The following CTNNA2 variants were observed in gnomAD, a reference collection of about 807,000 sequenced individuals.
CTNNA2 encodes the protein catenin alpha 2.
A neutral mutation model predicts 101.0 loss-of-function variants in CTNNA2; 42 were observed. The observed-to-expected ratio is 0.42, with a 90% CI of 0.32 to 0.54. The LOEUF (loss-of-function observed/expected upper bound fraction) is 0.54, where lower values mean the gene tolerates loss of function less well. Among genes scored for constraint, CTNNA2 ranks in the 20% least tolerant of loss-of-function variants. CTNNA2 has a pLI of 0.14. For synonymous variants in CTNNA2, 450 were observed against 456.4 expected, an observed-to-expected ratio of 0.99 and a Z score of 0.18; for missense variants, 871 against 1,223.1, an observed-to-expected ratio of 0.71 and a Z score of 4.29.
intron 7 of CTNNA2, among the ~76,000 whole-genome samples, chr2:80,075,284 T>C (rs1218615188): frequency 6.6e-6 from 1 of 152,060 alleles, no homozygotes; most frequent in African/African-American, 2.4e-5. Flanking sequence ...GCTTTTGATA[T>C]ACACTCTATC....
intron 1 of CTNNA2, among the ~76,000 whole-genome samples, chr2:79,643,033 A>T (rs1273908336): frequency 1.3e-5 from 2 of 152,116 alleles, no homozygotes; most frequent in African/African-American, 4.8e-5. Flanking sequence ...TCTACTAAAA[A>T]TACAAAAATT....
chr2:79,222,588 C>G (rs1187032196), intron 2 of CTNNA2, among the ~76,000 whole-genome samples: 1 of 152,190 alleles, frequency 6.6e-6, no homozygotes, highest in African/African-American at 2.4e-5. Context: ...AATACTTGCA[C>G]ATACCTCTAG....
chr2:80,006,955 A>C (rs551192513), intron 7 of CTNNA2, among the ~76,000 whole-genome samples: 1 of 152,298 alleles, frequency 6.6e-6, no homozygotes, highest in African/African-American at 2.4e-5. Flanking sequence ...CTATTTCATC[A>C]GCATCATACT....
At chr2:79,345,559 G>C (rs1057328583) in intron 3 of CTNNA2, among the ~76,000 whole-genome samples, 8 of 152,224 alleles carry the variant, frequency 5.3e-5, no homozygotes, top group Non-Finnish European at 1.2e-4. Context: ...CTGAAATCCT[G>C]TTCTGAGGAA....
At chr2:80,114,425 G>T (rs1369817398) in intron 7 of CTNNA2, among the ~76,000 whole-genome samples, 1 of 152,196 alleles carries the variant, frequency 6.6e-6, no homozygotes, top group Non-Finnish European at 1.5e-5. Context: ...TTTATTTGCA[G>T]ATGGTAGATT....
intron 4 of CTNNA2, among the ~76,000 whole-genome samples, chr2:79,414,447 AC>A (rs1272564492): frequency 6.6e-6 from 1 of 151,986 alleles, no homozygotes; most frequent in Non-Finnish European, 1.5e-5. Flanking sequence ...GCTCATACAC[AC>A]CCTCACAAAT....
At chr2:80,273,854 C>G (rs542664554) in intron 7 of CTNNA2, among the ~76,000 whole-genome samples, 16 of 152,164 alleles carry the variant, frequency 1.1e-4, no homozygotes, top group African/African-American at 3.9e-4. Context: ...TGGCCTGTGT[C>G]TTTGTAAACA....
At chr2:80,273,864 A>C (rs1673691287) in intron 7 of CTNNA2, among the ~76,000 whole-genome samples, 2 of 151,342 alleles carry the variant, frequency 1.3e-5, no homozygotes, top group South Asian at 4.2e-4. Flanking sequence ...CTTTGTAAAC[A>C]CTCTACCTTT....
intron 9 of CTNNA2, among the ~76,000 whole-genome samples, chr2:80,420,052 A>C (rs889741038): frequency 2.0e-5 from 3 of 148,666 alleles, no homozygotes; most frequent in Non-Finnish European, 3.0e-5. Context: ...AAAAAAAAAA[A>C]AAAAAAAAAA....
chr2:79,418,490 A>T lies in CTNNA2; in HGVS notation c.-135+44477A>T, dbSNP rs910506091. On this transcript the variant is annotated intron_variant, in intron 4 of 21. Transcript: ENST00000466387. The stretch of plus-strand genomic sequence containing the variant: ...TAGTTAAATCAAATCCTTTCACGCT[A>T]TAATTTTCTCACTGTTATAATTTTT... 3.9e-5 allele frequency among the ~76,000 whole-genome samples: 6 copies of T among 152,148 alleles called. No homozygotes were observed. In the South Asian group the frequency reaches 1.2e-3, roughly 32 times the overall value.
chr2:80,557,350 A>AT (rs940108147), intron 12 of CTNNA2, among the ~76,000 whole-genome samples: 21 of 152,046 alleles, frequency 1.4e-4, no homozygotes, highest in East Asian at 7.7e-4. Context: ...ATAAAAAGGT[A>AT]TTTTTTTCCC....
intron 9 of CTNNA2, among the ~76,000 whole-genome samples, chr2:80,487,321 A>G (rs1361570448): frequency 6.6e-6 from 1 of 151,840 alleles, no homozygotes; most frequent in East Asian, 1.9e-4. Context: ...TAATCAATTA[A>G]GTCTGTATAG....
chr2:80,219,421 T>C (rs1708447585), intron 7 of CTNNA2, among the ~76,000 whole-genome samples: 1 of 152,230 alleles, frequency 6.6e-6, no homozygotes, highest in African/African-American at 2.4e-5. Flanking sequence ...TTAAAATAAT[T>C]TCTTTTATAT....
At chr2:80,162,750 T>C (rs1704409370) in intron 7 of CTNNA2, 1 of 1,606,410 alleles carries the variant, frequency 6.2e-7, no homozygotes, top group African/African-American at 1.3e-5. Context: ...TCCTGATTGA[T>C]CCAGAGGTGA....
chr2:80,097,574 T>A (rs1700237620), intron 7 of CTNNA2, among the ~76,000 whole-genome samples: 2 of 152,312 alleles, frequency 1.3e-5, no homozygotes, highest in Non-Finnish European at 2.9e-5. Flanking sequence ...TTGGAGAAGT[T>A]CTCCTGGATA....
At chr2:79,205,620 G>C (rs1674090877) in intron 2 of CTNNA2, among the ~76,000 whole-genome samples, 1 of 152,122 alleles carries the variant, frequency 6.6e-6, no homozygotes, top group Non-Finnish European at 1.5e-5. Flanking sequence ...TTTTCAACAG[G>C]AAAGTCTGAA....
At chr2:80,341,482 C>T (rs1337645400) in intron 7 of CTNNA2, among the ~76,000 whole-genome samples, 1 of 152,108 alleles carries the variant, frequency 6.6e-6, no homozygotes, top group African/African-American at 2.4e-5. Flanking sequence ...GAAAGACATG[C>T]AAATGGCTAA....
intron 1 of CTNNA2, among the ~76,000 whole-genome samples, chr2:79,596,119 G>A (rs1485061882): frequency 6.6e-6 from 1 of 151,856 alleles, no homozygotes; most frequent in Non-Finnish European, 1.5e-5. Context: ...AATTTTCAAA[G>A]TGTTTTTTAG....
At chr2:80,378,370 A>G (rs986138105) in intron 7 of CTNNA2, among the ~76,000 whole-genome samples, 4 of 139,118 alleles carry the variant, frequency 2.9e-5, no homozygotes, top group South Asian at 2.2e-4. Flanking sequence ...AAATAAATAA[A>G]TAAATAAATA....
Sources: allele counts gnomAD v4.1 joint callset (sites outside exome capture counted in the v4.1 genomes callset), GRCh38; gene constraint gnomAD v4.1.1; transcripts MANE v1.5; gene names NCBI Gene and HGNC (gene_info 2026-07-23, HGNC 2026-07-21).